The following CHST6 variants were observed in gnomAD, a reference collection of about 807,000 sequenced individuals.
The protein encoded by CHST6 is carbohydrate sulfotransferase 6.
For synonymous variants in CHST6, 309 were observed against 276.4 expected (o/e 1.12, Z -1.17); for missense variants, 698 against 586.2 (o/e 1.19, Z -1.97).
chr16:75,485,724 C>T (rs768418285), intron 1 of CHST6, among the ~76,000 whole-genome samples: 5 of 152,172 alleles, frequency 3.3e-5, no homozygotes, highest in Non-Finnish European at 7.3e-5. Flanking sequence ...AAAGATTCAT[C>T]CAGGAAAGCC....
Position 75,495,381 on chromosome 16 carries a change from G to T in CHST6, c.-533C>A, listed in dbSNP as rs576566368. ...CGGCCGGCAACCCTCGGCGCTGCCC[G>T]GTGCAGCCCGCCCGAGCGCACACAA... On this transcript the variant is annotated 5_prime_UTR_variant, in exon 1 of 3. Coordinates refer to ENST00000332272, the MANE Select transcript of CHST6 (RefSeq NM_021615.5). 43 of 152,412 alleles carry T rather than the reference G, an allele frequency of 2.8e-4. No homozygotes were observed. The highest frequency in any genetic ancestry group is 1.0e-3 in the African/African-American group (43 of 41,582). 9.4% of individuals were successfully genotyped at this position (152,412 alleles called of 1,614,324 possible). A position where few individuals can be genotyped will look rare whatever the true frequency, so the allele number is the denominator to read the frequency against.
rs185663389 is a variant in CHST6, at chr16:75,489,505, C to T, written c.-92+5435G>A. On this transcript the variant is annotated intron_variant, in intron 1 of 2. Coordinates refer to ENST00000332272, the MANE Select transcript of CHST6 (RefSeq NM_021615.5). ...AGTCTAGCAGTGTAACCTTGGAGCT[C>T]TTCGCTACATAGTGTCAAGTGGAAA... Among the ~76,000 whole-genome samples, 6 of 151,800 alleles carry T rather than the reference C, an allele frequency of 4.0e-5. No individual in the cohort carries two copies. In the East Asian group the frequency reaches 1.2e-3, roughly 29 times the overall value.
At chr16:75,479,981 T>C in intron 2 of CHST6, 137 bp from the exon 3 acceptor site, 1 of 727,784 alleles carries the variant, frequency 1.4e-6, no homozygotes, top group Non-Finnish European at 2.2e-6. Flanking sequence ...AGTGGGGAGC[T>C]CTCCCGGAAA....
At chr16:75,491,821 T>C (rs2080259722) in intron 1 of CHST6, among the ~76,000 whole-genome samples, 1 of 152,202 alleles carries the variant, frequency 6.6e-6, no homozygotes, top group Admixed American at 6.5e-5. Context: ...GAGAGACAGG[T>C]GCCTGCAAAA....
intron 1 of CHST6, among the ~76,000 whole-genome samples, chr16:75,493,504 G>A (rs1382285713): frequency 2.8e-5 from 4 of 143,176 alleles, no homozygotes; most frequent in Non-Finnish European, 5.9e-5. Flanking sequence ...GTGACAGAGC[G>A]AGACTCCGTA....
At position 75,481,808 on chromosome 16, in the gene CHST6, G is replaced by A; in HGVS notation, c.-17+9C>T. On this transcript the variant is annotated intron_variant, in intron 2 of 2. Coordinates refer to ENST00000332272, the MANE Select transcript of CHST6 (RefSeq NM_021615.5). Reference sequence around the variant, plus strand: ...CAGAGGACTGTCCCGGCCAGCTGAGGGGACTCACCACTGTCCAGGGCTGCT... The same window carrying A: ...CAGAGGACTGTCCCGGCCAGCTGAGAGGACTCACCACTGTCCAGGGCTGCT... 2 of 528,562 alleles carry A rather than the reference G, an allele frequency of 3.8e-6. No homozygotes were observed. The highest frequency in any genetic ancestry group is 7.1e-6 in the Non-Finnish European group (2 of 281,840). The allele number at this position is 528,562 out of a possible 1,614,324, so 32.7% of individuals were successfully genotyped here. A position where few individuals can be genotyped will look rare whatever the true frequency, so the allele number is the denominator to read the frequency against.
intron 1 of CHST6, among the ~76,000 whole-genome samples, chr16:75,485,614 T>C (rs1182315048): frequency 1.3e-5 from 2 of 152,222 alleles, no homozygotes; most frequent in African/African-American, 2.4e-5. Context: ...GCATTAGATA[T>C]TAGAAACGTT....
intron 1 of CHST6, among the ~76,000 whole-genome samples, chr16:75,487,016 T>C (rs1014116271): frequency 1.3e-5 from 2 of 152,330 alleles, no homozygotes; most frequent in African/African-American, 2.4e-5. Context: ...CTGAAGAAGA[T>C]AGTAAGAGTC....
rs957316200 is a variant in CHST6 at position 75,495,371 on chromosome 16, G to T, written c.-523C>A. 1.3e-5 allele frequency: 2 copies of T among 152,460 alleles called. No individual in the cohort carries two copies. Among genetic ancestry groups the T allele is most frequent in the East Asian group, 3.9e-4 (2 of 5,166 alleles). The allele number at this position is 152,460 out of a possible 1,614,324, so 9.4% of individuals were successfully genotyped here. A position where few individuals can be genotyped will look rare whatever the true frequency, so the allele number is the denominator to read the frequency against. On this transcript the variant is annotated 5_prime_UTR_variant, in exon 1 of 3. Coordinates refer to ENST00000332272, the MANE Select transcript of CHST6 (RefSeq NM_021615.5). ...CCCCGCGCGCCGGCCGGCAACCCTC[G>T]GCGCTGCCCGGTGCAGCCCGCCCGA... is the stretch of plus-strand genomic sequence containing the variant.
intron 1 of CHST6, among the ~76,000 whole-genome samples, chr16:75,486,045 A>G (rs1446886617): frequency 6.6e-6 from 1 of 152,244 alleles, no homozygotes; most frequent in Non-Finnish European, 1.5e-5. Flanking sequence ...CCCAGGCTTC[A>G]GATGGCCGGG....
At chr16:75,484,424 G>A (rs1032206346) in intron 1 of CHST6, among the ~76,000 whole-genome samples, 7 of 152,188 alleles carry the variant, frequency 4.6e-5, no homozygotes, top group East Asian at 1.9e-4. Flanking sequence ...GGTGGGTGTC[G>A]CAGTCCTGAG....
chr16:75,479,474 C>G lies in CHST6; in HGVS notation c.355G>C (p.Asp119His), dbSNP rs2080111143. The change falls in exon 3 of 3, where the codon GAC becomes CAC. Residue 119 changes from aspartate (D) to histidine (H), a missense_variant. By Grantham distance (81) the Asp-to-His change is moderately conservative. Transcript: ENST00000332272. Reference sequence around the variant, plus strand: ...CGGCTCACGGCCCACTGGAAGAGGTCGGACAGGTTGCGGCGCCAAGGCAGA... The same window carrying G: ...CGGCTCACGGCCCACTGGAAGAGGTGGGACAGGTTGCGGCGCCAAGGCAGA... Reference protein sequence around the residue: ...AYLPWRRNLSDLFQWAVSRAL... With the variant: ...AYLPWRRNLSHLFQWAVSRAL... 6.2e-7 allele frequency: 1 copy of G among 1,612,906 alleles called. No individual in the cohort carries two copies. The highest frequency in any genetic ancestry group is 1.3e-5 in the African/African-American group (1 of 75,032).
chr16:75,490,799 C>A (rs1318753038), intron 1 of CHST6: 1 of 152,092 alleles, frequency 6.6e-6, no homozygotes, highest in Non-Finnish European at 1.5e-5. Context: ...TGAAAACCTG[C>A]TCATGAATTT....
At chr16:75,481,971 G>A (rs1206056031) in intron 1 of CHST6, 80 bp from the exon 2 acceptor site, 1 of 418,948 alleles carries the variant, frequency 2.4e-6, no homozygotes, top group Non-Finnish European at 4.8e-6. Context: ...TCTGAGGCTC[G>A]ATTTCCACTT....
intron 1 of CHST6, among the ~76,000 whole-genome samples, chr16:75,491,190 A>AAATATATGTATAT (rs1206595857): frequency 2.0e-5 from 1 of 50,076 alleles, no homozygotes; most frequent in Non-Finnish European, 3.0e-5. Context: ...AAAAAAAAAA[A>AAATATATGTATAT]ATATATATAT....
chr16:75,487,565 T>C (rs2080212226), intron 1 of CHST6, among the ~76,000 whole-genome samples: 1 of 152,110 alleles, frequency 6.6e-6, no homozygotes, highest in South Asian at 2.1e-4. Context: ...CTTGGGAGGC[T>C]GAGTAGGGTG....
chr16:75,483,812 C>A (rs1178805461), intron 1 of CHST6, among the ~76,000 whole-genome samples: 5 of 147,834 alleles, frequency 3.4e-5, no homozygotes, highest in African/African-American at 1.3e-4. Flanking sequence ...TTGCTTGGGC[C>A]CAGAAGCTCA....
At chr16:75,482,575 C>T (rs2080153783) in intron 1 of CHST6, among the ~76,000 whole-genome samples, 1 of 152,154 alleles carries the variant, frequency 6.6e-6, no homozygotes, top group South Asian at 2.1e-4. Flanking sequence ...ACACATGTCT[C>T]ACAGGGTGGA....
At chr16:75,489,713 TAAG>T (rs1165146538) in intron 1 of CHST6, among the ~76,000 whole-genome samples, 1 of 152,024 alleles carries the variant, frequency 6.6e-6, no homozygotes, top group Non-Finnish European at 1.5e-5. Flanking sequence ...ACCCAGAATA[TAAG>T]AAGAGCTCTT....
Sources: allele counts gnomAD v4.1 joint callset (sites outside exome capture counted in the v4.1 genomes callset), GRCh38; gene constraint gnomAD v4.1.1; transcripts MANE v1.5; gene names NCBI Gene and HGNC (gene_info 2026-07-23, HGNC 2026-07-21).